Variants in MYOF observed in about 807,000 individuals in gnomAD.
MYOF encodes fer-1-like 3, myoferlin.
A neutral mutation model predicts 284.2 loss-of-function variants in MYOF; 244 were observed. The observed-to-expected ratio is 0.86, with a 90% CI of 0.77 to 0.95. The LOEUF (loss-of-function observed/expected upper bound fraction) is 0.95, where lower values mean the gene tolerates loss of function less well. Ranked by LOEUF, MYOF falls within the 40% of genes least tolerant of loss-of-function variation. The pLI is 0.00. For missense variants in MYOF, 2,496 were observed against 2,560.6 expected (o/e 0.97, Z 0.54); for synonymous variants, 904 against 919.7 (o/e 0.98, Z 0.31).
At chr10:93,349,990 G>C (rs754603359) in intron 35 of MYOF, 21 bp from the exon 36 acceptor site, 36 of 1,608,824 alleles carry the variant, frequency 2.2e-5, no homozygotes, top group Non-Finnish European at 3.1e-5. Flanking sequence ...GATTTAAAGA[G>C]AGGGGAAGGT....
At chr10:93,445,722 A>G (rs2056410792) in intron 3 of MYOF, among the ~76,000 whole-genome samples, 2 of 152,346 alleles carry the variant, frequency 1.3e-5, no homozygotes, top group South Asian at 2.1e-4. Context: ...TGACCGAGGC[A>G]GCTGGGAACT....
At chr10:93,476,078 G>A (rs1419172384) in intron 1 of MYOF, among the ~76,000 whole-genome samples, 2 of 151,900 alleles carry the variant, frequency 1.3e-5, no homozygotes, top group African/African-American at 4.8e-5. Flanking sequence ...GGTTTTATGG[G>A]AATACCCGAG....
At chr10:93,324,782 TTTTC>T (rs1243240692) in intron 46 of MYOF, among the ~76,000 whole-genome samples, 1 of 150,084 alleles carries the variant, frequency 6.7e-6, no homozygotes, top group African/African-American at 2.5e-5. Flanking sequence ...ATATTTCTTT[TTTTC>T]TTTTTTTTTG....
rs377167806 is a variant in MYOF at position 93,369,743 on chromosome 10, G to A, written c.2491C>T (p.Pro831Ser). 3.2e-5 allele frequency: 52 copies of A among 1,614,124 alleles called. No individual in the cohort carries two copies. In the African/African-American group the frequency reaches 6.1e-4, roughly 19 times the overall value. ...PQEKNNGPKV[P>S]VELRVNIWLG... ...CAGATGTTCACTCGCAACTCCACAG[G>A]CACCTTTGGCCCGTTGTTTTTCTCC... The change falls in exon 25 of 54, where the codon CCT (proline) becomes TCT (serine). Residue 831 changes from proline to serine, a missense_variant. Pro to Ser is a moderately conservative substitution (Grantham distance 74). This residue lies in a region of MYOF where 2,436 missense variants were observed against 2,480.7 expected (regional missense o/e 0.98). Coordinates refer to ENST00000359263, the MANE Select transcript of MYOF (RefSeq NM_013451.4).
At chr10:93,343,182 T>C (rs1230248902) in intron 38 of MYOF, among the ~76,000 whole-genome samples, 6 of 152,208 alleles carry the variant, frequency 3.9e-5, no homozygotes, top group African/African-American at 1.2e-4. Context: ...AGGGAGATAT[T>C]TGGTGTTTCC....
chr10:93,331,274 C>T lies in MYOF; in HGVS notation c.4812-1440G>A, dbSNP rs563486638. Among the ~76,000 whole-genome samples, 14 of 152,236 alleles carry T rather than the reference C, an allele frequency of 9.2e-5. No individual in the cohort carries two copies. In the East Asian group the frequency reaches 2.5e-3, roughly 27 times the overall value. ...GTCTCTGCGGAGAAGAAAGCTACCCCCTAAGACTGAGGCCATGGACTGGAG... is the reference window on the plus strand; with the variant it reads ...GTCTCTGCGGAGAAGAAAGCTACCCTCTAAGACTGAGGCCATGGACTGGAG... On this transcript the variant is annotated intron_variant, in intron 43 of 53. Coordinates refer to ENST00000359263, the MANE Select transcript of MYOF (RefSeq NM_013451.4).
chr10:93,469,640 G>T (rs547960542), intron 1 of MYOF, among the ~76,000 whole-genome samples: 1 of 152,324 alleles, frequency 6.6e-6, no homozygotes, highest in East Asian at 1.9e-4. Context: ...GTCCAGGGAA[G>T]TTACTGCCAA....
intron 3 of MYOF, among the ~76,000 whole-genome samples, chr10:93,439,047 C>T (rs1257053593): frequency 6.6e-6 from 1 of 152,236 alleles, no homozygotes; most frequent in East Asian, 1.9e-4. Context: ...GCTCACTCCA[C>T]GCCCTGGTTT....
At position 93,325,915 on chromosome 10, in the gene MYOF, C is replaced by G; in HGVS notation, c.5182G>C (p.Ala1728Pro). 6.2e-7 allele frequency: 1 copy of G among 1,614,086 alleles called. No homozygotes were observed. ...QHLGAPEERL[A>P]LHILRTQGLV... The stretch of plus-strand genomic sequence containing the variant: ...CCCTGAGTCCTGAGGATGTGAAGAG[C>G]AAGCCGCTCTTCAGGGGCCCCGAGG... The change falls in exon 46 of 54, where the codon GCT (alanine) becomes CCT (proline). Residue 1728 changes from alanine (A) to proline (P), a missense_variant. Ala to Pro is a conservative substitution (Grantham distance 27, BLOSUM62 -1). This residue lies in a region of MYOF where 2,436 missense variants were observed against 2,480.7 expected (regional missense o/e 0.98). Coordinates refer to ENST00000359263, the MANE Select transcript of MYOF (RefSeq NM_013451.4).
chr10:93,362,620 C>G (rs1402734165), intron 27 of MYOF, among the ~76,000 whole-genome samples: 4 of 151,972 alleles, frequency 2.6e-5, no homozygotes, highest in Admixed American at 2.6e-4. Flanking sequence ...CAAAATTTAT[C>G]TAAAATATTG....
At position 93,381,397 on chromosome 10, in the gene MYOF, C is replaced by G. The variant is rs771444246; in HGVS notation, c.1699-1G>C. 1 of 1,614,040 alleles carries G rather than the reference C, an allele frequency of 6.2e-7. No individual in the cohort carries two copies. The highest frequency in any genetic ancestry group is 8.5e-7 in the Non-Finnish European group (1 of 1,179,940). ...TGTACTTCCGCCTTCGCTGGTATTT[C>G]TATAAAGTATGAGCAGACATAAGGT... On this transcript the variant is annotated splice_acceptor_variant, in intron 19 of 53. Coordinates refer to ENST00000359263, the MANE Select transcript of MYOF (RefSeq NM_013451.4). LOFTEE classifies it high-confidence loss of function.
At chr10:93,480,401 T>A (rs556354386) in intron 1 of MYOF, among the ~76,000 whole-genome samples, 36 of 151,962 alleles carry the variant, frequency 2.4e-4, no homozygotes, top group Middle Eastern at 3.4e-3. Context: ...AAAATTTTTT[T>A]AAATTTTTTT....
chr10:93,322,500 C>T (rs1842886430), intron 48 of MYOF, among the ~76,000 whole-genome samples: 1 of 152,206 alleles, frequency 6.6e-6, no homozygotes, highest in African/African-American at 2.4e-5. Flanking sequence ...GGCATATGAT[C>T]AAGGCATAGC....
chr10:93,359,612 C>T (rs1844974407), intron 29 of MYOF, among the ~76,000 whole-genome samples: 1 of 152,188 alleles, frequency 6.6e-6, no homozygotes. Flanking sequence ...GGGCCTGCCC[C>T]CAGGATTTCT....
chr10:93,404,365 T>C (rs551711486), intron 7 of MYOF, 146 bp from the exon 8 acceptor site: 1 of 772,554 alleles, frequency 1.3e-6, no homozygotes, highest in South Asian at 1.7e-5. Context: ...TGGCAAGGCC[T>C]GGAGTTTAAG....
At chr10:93,370,352 CTG>C (rs1325051375) in intron 24 of MYOF, among the ~76,000 whole-genome samples, 6 of 126,370 alleles carry the variant, frequency 4.7e-5, no homozygotes, top group South Asian at 2.4e-4. Context: ...GAGTCTCACT[CTG>C]TTGCTGGAGT....
rs766465254 is a variant in MYOF at position 93,335,945 on chromosome 10, A to G, written c.4539T>C (p.Asp1513=). 12 of 1,614,074 alleles carry G rather than the reference A, an allele frequency of 7.4e-6. No homozygotes were observed. Among genetic ancestry groups the G allele is most frequent in the Middle Eastern group, 1.6e-4 (1 of 6,084 alleles). The change falls in exon 41 of 54, where the codon GAT becomes GAC. Residue 1513 remains aspartate (D), a synonymous_variant. Transcript: ENST00000359263. ...LYRGKSDENE[D]PSVVGEFKGS... is the part of the protein sequence containing the mutation. The stretch of plus-strand genomic sequence containing the variant: ...CCTTAAACTCTCCAACCACAGAAGG[A>G]TCTTCATTTTCATCCGACTTGCCTC...
chr10:93,322,897 T>C (rs1305460844), intron 48 of MYOF, among the ~76,000 whole-genome samples, 181 bp downstream of exon 48: 1 of 152,240 alleles, frequency 6.6e-6, no homozygotes, highest in Admixed American at 6.5e-5. Context: ...AAACAAAGTC[T>C]GTACAGGTCT....
chr10:93,340,533 C>G (rs1843850599), intron 38 of MYOF, among the ~76,000 whole-genome samples: 4 of 152,182 alleles, frequency 2.6e-5, no homozygotes. Context: ...GCTCATCCCC[C>G]TACCCCAGAT....
Sources: allele counts gnomAD v4.1 joint callset (sites outside exome capture counted in the v4.1 genomes callset), GRCh38; gene constraint gnomAD v4.1.1; regional missense constraint gnomAD v4.1.1; transcripts MANE v1.5; gene names NCBI Gene and HGNC (gene_info 2026-07-23, HGNC 2026-07-21).